Variants in GOLGA2 observed in about 807,000 individuals in gnomAD.
GOLGA2 encodes the protein golgin A2.
Under a neutral mutation model 148.8 loss-of-function variants are expected in GOLGA2, and 49 were observed. The ratio of observed to expected loss-of-function variants is 0.33; its 90% CI spans 0.26 to 0.42. The LOEUF (loss-of-function observed/expected upper bound fraction) is 0.42, where lower values mean the gene tolerates loss of function less well. GOLGA2 is among the 10% of genes least tolerant of loss of function. The pLI is 1.00. For synonymous variants in GOLGA2, 501 were observed against 511.8 expected (o/e 0.98, Z 0.28); for missense variants, 1,178 against 1,304.6 (o/e 0.90, Z 1.49).
Position 128,261,272 on chromosome 9 carries a change from C to G in GOLGA2, c.1333-13G>C, listed in dbSNP as rs765386975. 1.9e-6 allele frequency: 3 copies of G among 1,607,396 alleles called. No individual in the cohort carries two copies. Among genetic ancestry groups the G allele is most frequent in the Non-Finnish European group, 2.6e-6 (3 of 1,174,000 alleles). ...TCAATGTGTGCACCTGCCCAAAGCA[C>G]AGCAAGAAAGGGCCCTGGAGAGGGG... On this transcript the variant is annotated splice_polypyrimidine_tract_variant and intron_variant, in intron 16 of 26. Coordinates refer to ENST00000611957, the MANE Select transcript of GOLGA2 (RefSeq NM_001366244.2). This position sits in a 1 kb window ranked among gnomAD's most constrained non-coding sequence, Gnocchi z 5.7.
At chr9:128,273,557 G>A (rs2052277883) in intron 2 of GOLGA2, 1 of 480,898 alleles carries the variant, frequency 2.1e-6, no homozygotes, top group South Asian at 4.5e-5. Context: ...TTTCCTGGGT[G>A]TCCTGGGTGT....
chr9:128,267,089 C>T (rs760465449), intron 8 of GOLGA2, 105 bp downstream of exon 8: 12 of 819,818 alleles, frequency 1.5e-5, no homozygotes, highest in South Asian at 4.1e-5. Flanking sequence ...GCTCCCCATT[C>T]GCCCTTGGCA....
In GOLGA2 at chr9:128,257,471, C is replaced by T. The variant is rs200657891; in HGVS notation, c.2773G>A (p.Glu925Lys). The part of the protein sequence containing the change: ...LVLRLVGDRN[E>K]WHGRFLAAAQ... ...GCTGCCAGGAATCTGCCATGCCACT[C>T]GTTGCGGTCGCCCACAAGCCGTAAG... Residue 925 changes from glutamate (E) to lysine (K), a missense_variant, in exon 26 of 27, where the codon GAG becomes AAG. Physicochemically the swap from Glu to Lys is moderately conservative, Grantham distance 56. This residue lies in a region of GOLGA2 where 149 missense variants were observed against 154.9 expected (regional missense o/e 0.96). Transcript: ENST00000611957. The surrounding 1 kb of genome is among the most constrained non-coding windows in gnomAD (Gnocchi z 8.0). 5.6e-6 allele frequency: 9 copies of T among 1,613,274 alleles called. No individual in the cohort carries two copies. The highest frequency in any genetic ancestry group is 4.4e-5 in the South Asian group (4 of 91,050).
rs774140100 is a variant in GOLGA2, at chr9:128,260,919, C to T, written c.1421-117G>A. On this transcript the variant is annotated intron_variant, in intron 17 of 26. Coordinates refer to ENST00000611957, the MANE Select transcript of GOLGA2 (RefSeq NM_001366244.2). This position sits in a 1 kb window ranked among gnomAD's most constrained non-coding sequence, Gnocchi z 4.8. ...CTCCCTGCTGATGATTCCTCGCACC[C>T]GGATGTTAGCCAATCTTCCAAACCA... is the stretch of plus-strand genomic sequence containing the variant. 4.6e-5 allele frequency: 34 copies of T among 742,206 alleles called. No homozygotes were observed. The highest frequency in any genetic ancestry group is 7.5e-5 in the Non-Finnish European group (34 of 455,204). The allele number at this position is 742,206 out of a possible 1,614,324, so 46.0% of individuals were successfully genotyped here.
intron 2 of GOLGA2, among the ~76,000 whole-genome samples, chr9:128,273,186 C>A (rs1831065700): frequency 6.6e-6 from 1 of 152,202 alleles, no homozygotes; most frequent in Admixed American, 6.5e-5. Flanking sequence ...TCTAGTAGAA[C>A]TACAAACCTC....
At position 128,260,876 on chromosome 9, in the gene GOLGA2, A is replaced by C; in HGVS notation, c.1421-74T>G. ...CTCCTCTTGGTCCATACCTCCTCTC[A>C]AGCTCCCCAAACTTGGCCTCCCTGC... On this transcript the variant is annotated intron_variant, in intron 17 of 26. Coordinates refer to ENST00000611957, the MANE Select transcript of GOLGA2 (RefSeq NM_001366244.2). This position sits in a 1 kb window ranked among gnomAD's most constrained non-coding sequence, Gnocchi z 4.8. 1 of 1,059,938 alleles carries C rather than the reference A, an allele frequency of 9.4e-7. No individual in the cohort carries two copies. 65.7% of individuals were successfully genotyped at this position (1,059,938 alleles called of 1,614,324 possible). A position where few individuals can be genotyped will look rare whatever the true frequency, so the allele number is the denominator to read the frequency against.
Position 128,267,084 on chromosome 9 carries a change from C to T in GOLGA2, c.642+110G>A, listed in dbSNP as rs1830636627. Reference sequence around the variant, plus strand: ...GCTGAGGCCTGGGCCCCCCAGCTCCCCATTCGCCCTTGGCACCAGGGGCCC... The same window carrying T: ...GCTGAGGCCTGGGCCCCCCAGCTCCTCATTCGCCCTTGGCACCAGGGGCCC... On this transcript the variant is annotated intron_variant, in intron 8 of 26. Transcript: ENST00000611957. 4 of 804,034 alleles carry T rather than the reference C, an allele frequency of 5.0e-6. No homozygotes were observed. In the East Asian group the frequency reaches 9.7e-5, roughly 20 times the overall value. 49.8% of individuals were successfully genotyped at this position (804,034 alleles called of 1,614,324 possible).
Position 128,258,120 on chromosome 9 carries a change from C to A in GOLGA2, c.2368G>T (p.Val790Leu). The A allele has an allele frequency of 6.2e-7, 1 of 1,609,070 alleles. No individual in the cohort carries two copies. Residue 790 changes from valine (V) to leucine (L), a missense_variant, in exon 23 of 27, where the codon GTG (valine) becomes TTG (leucine). This residue lies in a region of GOLGA2 where 529 missense variants were observed against 521.8 expected (regional missense o/e 1.01). Transcript: ENST00000611957. The surrounding 1 kb of genome is among the most constrained non-coding windows in gnomAD (Gnocchi z 6.6). Reference protein sequence around the residue: ...RLRGQLKEQRVRCRRLAHLLA... With the variant: ...RLRGQLKEQRLRCRRLAHLLA... ...AGGTGAGCCAGGCGCCGGCAGCGCA[C>A]CCTTTGCTCCTTCAGCTGCCCACGT...
rs573328091 is a variant in GOLGA2 at position 128,261,747 on chromosome 9, C to T, written c.1145G>A (p.Arg382Gln). The change falls in exon 15 of 27, where the codon CGG (arginine) becomes CAG (glutamine). Residue 382 changes from arginine to glutamine, a missense_variant. Around this residue, in one of 5 missense-constraint regions of GOLGA2, gnomAD observed 304 missense variants for 404.1 expected, o/e 0.75. Transcript: ENST00000611957. The surrounding 1 kb of genome is among the most constrained non-coding windows in gnomAD (Gnocchi z 5.7). ...TELLLQQFSS[R>Q]CEAPDANQQL... ...CTGGTTAGCATCAGGGGCTTCACAC[C>T]GGCTTGAAAACTGGATGGTGAAGAG... The T allele has an allele frequency of 9.9e-6, 16 of 1,610,840 alleles. No homozygotes were observed. The East Asian group carries it at 1.8e-4, about 18-fold the overall frequency.
At chr9:128,263,740 GA>G (rs1456649106) in intron 12 of GOLGA2, among the ~76,000 whole-genome samples, 2 of 151,778 alleles carry the variant, frequency 1.3e-5, no homozygotes, top group African/African-American at 2.4e-5. Context: ...TTTTAATAGA[GA>G]GGGGGTTTCA....
chr9:128,265,373 G>A (rs572409983), intron 12 of GOLGA2, among the ~76,000 whole-genome samples: 3 of 152,274 alleles, frequency 2.0e-5, no homozygotes, highest in African/African-American at 4.8e-5. Flanking sequence ...CGAGCTCTGC[G>A]TCCAGTGTTC....
intron 14 of GOLGA2, among the ~76,000 whole-genome samples, chr9:128,262,185 T>TA (rs58232809): frequency 0.088 from 10,517 of 120,098 alleles, 510 homozygotes; most frequent in East Asian, 0.23. Context: ...AGACCCCGTC[T>TA]AAAAAAAAAA....
intron 2 of GOLGA2, 149 bp from the exon 3 acceptor site, chr9:128,273,014 C>T: frequency 6.0e-6 from 2 of 335,146 alleles, no homozygotes; most frequent in South Asian, 4.5e-5. Flanking sequence ...TGGCCTGTGC[C>T]ATCCTTCCAA....
intron 1 of GOLGA2, chr9:128,275,508 G>T (rs1341625782): frequency 7.6e-7 from 1 of 1,310,880 alleles, no homozygotes; most frequent in Non-Finnish European, 9.8e-7. Flanking sequence ...TGAGGGTCGA[G>T]TCTGGAGCGG....
At chr9:128,275,549 C>T in intron 1 of GOLGA2, 2 of 1,245,784 alleles carry the variant, frequency 1.6e-6, no homozygotes, top group Non-Finnish European at 2.1e-6. Context: ...CCCAAAGTCA[C>T]TGGCGAGGGC....
rs1383493087 is a variant in GOLGA2 at position 128,266,261 on chromosome 9, G to T, written c.681+26C>A. ...GCCCCCCAAACCCAGCAGTCATGTT[G>T]TGAGCAAACAAAGAAATCACGTTAC... On this transcript the variant is annotated intron_variant, in intron 9 of 26. Coordinates refer to ENST00000611957, the MANE Select transcript of GOLGA2 (RefSeq NM_001366244.2). This position sits in a 1 kb window ranked among gnomAD's most constrained non-coding sequence, Gnocchi z 4.2. 6.3e-6 allele frequency: 10 copies of T among 1,597,500 alleles called. No individual in the cohort carries two copies. The highest frequency in any genetic ancestry group is 8.6e-6 in the Non-Finnish European group (10 of 1,165,270).
Position 128,258,098 on chromosome 9 carries a change from T to C in GOLGA2, c.2390A>G (p.His797Arg), listed in dbSNP as rs1483146125. The C allele has an allele frequency of 2.5e-6, 4 of 1,610,110 alleles. No homozygotes were observed. The East Asian group carries it at 8.9e-5, about 36-fold the overall frequency. Residue 797 changes from histidine to arginine, a missense_variant, in exon 23 of 27, where the codon CAC becomes CGC. By Grantham distance (29) the His-to-Arg change is conservative (BLOSUM62 0). Around this residue, in one of 5 missense-constraint regions of GOLGA2, gnomAD observed 529 missense variants for 521.8 expected, o/e 1.01. Coordinates refer to ENST00000611957, the MANE Select transcript of GOLGA2 (RefSeq NM_001366244.2). The surrounding 1 kb of genome is among the most constrained non-coding windows in gnomAD (Gnocchi z 6.6). ...CTCCTTCTGGGCCGAGGCCAGCAGGTGAGCCAGGCGCCGGCAGCGCACCCT... is the reference window on the plus strand; with the variant it reads ...CTCCTTCTGGGCCGAGGCCAGCAGGCGAGCCAGGCGCCGGCAGCGCACCCT... Reference protein sequence around the residue: ...EQRVRCRRLAHLLASAQKEPE... With the variant: ...EQRVRCRRLARLLASAQKEPE...
chr9:128,263,575 A>G (rs1385293369), intron 12 of GOLGA2, among the ~76,000 whole-genome samples: 3 of 151,682 alleles, frequency 2.0e-5, no homozygotes, highest in African/African-American at 7.3e-5. Context: ...CCGCCACCAC[A>G]CCCGGCTAAT....
rs868418794 is a variant in GOLGA2, at chr9:128,258,195, C to A, written c.2293G>T (p.Ala765Ser). 6.3e-7 allele frequency: 1 copy of A among 1,586,446 alleles called. No individual in the cohort carries two copies. ...CTGGCTACAGCTGAGTTGAAAAATG[C>A]CACCTGCAGGCAAGAGGGGTGCATT... ...EDLESREAMV[A>S]FFNSAVASAE... Residue 765 changes from alanine to serine, a missense_variant, in exon 23 of 27, where the codon GCA becomes TCA. Coordinates refer to ENST00000611957, the MANE Select transcript of GOLGA2 (RefSeq NM_001366244.2). This position sits in a 1 kb window ranked among gnomAD's most constrained non-coding sequence, Gnocchi z 6.6.
Sources: allele counts gnomAD v4.1 joint callset (sites outside exome capture counted in the v4.1 genomes callset), GRCh38; gene constraint gnomAD v4.1.1; regional missense constraint gnomAD v4.1.1; non-coding constraint Gnocchi (gnomAD v3.1); transcripts MANE v1.5; gene names NCBI Gene and HGNC (gene_info 2026-07-23, HGNC 2026-07-21).